The following RAB28 variants were observed in gnomAD, a reference collection of about 807,000 sequenced individuals.
RAB28 encodes ras-related protein Rab-28.
RAB28 carries 24 observed loss-of-function variants against 31.7 expected under a neutral mutation model. The observed-to-expected ratio is 0.76, with a 90% CI of 0.55 to 1.06. The LOEUF is 1.06. Ranked by LOEUF, RAB28 falls within the 50% of genes least tolerant of loss-of-function variation. RAB28 has a pLI of 0.00. For missense variants in RAB28, 254 were observed against 258.5 expected, an observed-to-expected ratio of 0.98 and a Z score of 0.12; for synonymous variants, 100 against 90.4, an observed-to-expected ratio of 1.11 and a Z score of -0.60.
intron 3 of RAB28, among the ~76,000 whole-genome samples, chr4:13,469,228 T>C (rs1276265467): frequency 6.6e-6 from 1 of 152,044 alleles, no homozygotes; most frequent in African/African-American, 2.4e-5. Context: ...ACTTGGGAAC[T>C]CCTGGATCTA....
intron 4 of RAB28, among the ~76,000 whole-genome samples, chr4:13,409,702 C>T (rs983975097): frequency 6.6e-6 from 1 of 152,174 alleles, no homozygotes; most frequent in Non-Finnish European, 1.5e-5. Context: ...AAAAAGTATG[C>T]CTAACACTTC....
intron 4 of RAB28, among the ~76,000 whole-genome samples, chr4:13,436,197 A>C (rs1189875609): frequency 6.6e-6 from 1 of 152,112 alleles, no homozygotes; most frequent in Non-Finnish European, 1.5e-5. Flanking sequence ...GACATCAAAG[A>C]AACATGCCTC....
chr4:13,377,405 C>A lies in RAB28; in HGVS notation c.496-783G>T, dbSNP rs575182551. ...AAACTTTATTAATTTTTACTTCTAACAAAAAAGGATACATATTCCTGATAG... is the reference window on the plus strand; with the variant it reads ...AAACTTTATTAATTTTTACTTCTAAAAAAAAAGGATACATATTCCTGATAG... On this transcript the variant is annotated intron_variant, in intron 5 of 6. Transcript: ENST00000330852. Among the ~76,000 whole-genome samples the A allele has an allele frequency of 2.2e-4, 34 of 152,190 alleles. 1 individual carries two copies. In the East Asian group the frequency reaches 6.4e-3, roughly 28 times the overall value.
chr4:13,393,855 C>CAAAAAAAAAA (rs759509251), intron 4 of RAB28, among the ~76,000 whole-genome samples: 3 of 79,378 alleles, frequency 3.8e-5, no homozygotes, highest in Admixed American at 1.4e-4. Flanking sequence ...TCACAGGCTA[C>CAAAAAAAAAA]AAAAAAAAAA....
intron 4 of RAB28, among the ~76,000 whole-genome samples, chr4:13,387,721 T>C (rs1379018340): frequency 2.6e-5 from 4 of 152,072 alleles, no homozygotes; most frequent in African/African-American, 7.2e-5. Context: ...AAAAAATGTA[T>C]GTTTTCAACA....
chr4:13,371,697 T>C, intron 6 of RAB28: 1 of 1,512,540 alleles, frequency 6.6e-7, no homozygotes, highest in Non-Finnish European at 8.8e-7. Context: ...ATAATTTCCA[T>C]GTCATAAACT....
chr4:13,378,992 C>A (rs545589446), intron 5 of RAB28, among the ~76,000 whole-genome samples: 1 of 151,712 alleles, frequency 6.6e-6, no homozygotes, highest in Non-Finnish European at 1.5e-5. Context: ...GGGTGAATCA[C>A]GAGGTCAGTT....
chr4:13,376,379 C>T (rs1728922373), intron 6 of RAB28, among the ~76,000 whole-genome samples, 166 bp downstream of exon 6: 1 of 152,082 alleles, frequency 6.6e-6, no homozygotes, highest in Non-Finnish European at 1.5e-5. Context: ...AAAAAGTTAA[C>T]ATTCTCCATC....
At chr4:13,427,596 T>G (rs1577204524) in intron 4 of RAB28, among the ~76,000 whole-genome samples, 1 of 152,140 alleles carries the variant, frequency 6.6e-6, no homozygotes, top group African/African-American at 2.4e-5. Context: ...TCTACAGAGA[T>G]AAAAGGTCCA....
chr4:13,391,420 A>G (rs1002975231), intron 4 of RAB28, among the ~76,000 whole-genome samples: 2 of 152,162 alleles, frequency 1.3e-5, no homozygotes, highest in Non-Finnish European at 2.9e-5. Flanking sequence ...TGCTGGAGAC[A>G]ATGTGGAGAA....
At chr4:13,376,446 C>T (rs1577149864) in intron 6 of RAB28, 99 bp downstream of exon 6, 2 of 740,310 alleles carry the variant, frequency 2.7e-6, no homozygotes, top group Non-Finnish European at 4.4e-6. Context: ...TTTAGAGATA[C>T]GTACACAGAA....
intron 3 of RAB28, among the ~76,000 whole-genome samples, chr4:13,464,300 T>C (rs1715739122): frequency 6.6e-6 from 1 of 152,080 alleles, no homozygotes; most frequent in Non-Finnish European, 1.5e-5. Flanking sequence ...GTAACCATTG[T>C]GAAATATGCC....
At chr4:13,429,744 C>G (rs1161319791) in intron 4 of RAB28, among the ~76,000 whole-genome samples, 1 of 152,142 alleles carries the variant, frequency 6.6e-6, no homozygotes, top group Non-Finnish European at 1.5e-5. Flanking sequence ...AATCAAATTT[C>G]CAGCTGACTT....
chr4:13,405,334 C>T (rs1712014242), intron 4 of RAB28, among the ~76,000 whole-genome samples: 1 of 152,002 alleles, frequency 6.6e-6, no homozygotes, highest in East Asian at 1.9e-4. Context: ...TTCTATGAAG[C>T]TGAAACAATA....
intron 4 of RAB28, among the ~76,000 whole-genome samples, chr4:13,447,349 T>A (rs1577223514): frequency 6.6e-6 from 1 of 152,208 alleles, no homozygotes; most frequent in East Asian, 1.9e-4. Context: ...TTTCTTGATC[T>A]GTCCTTTTCC....
intron 4 of RAB28, among the ~76,000 whole-genome samples, chr4:13,417,225 G>C (rs1449348549): frequency 6.6e-6 from 1 of 152,216 alleles, no homozygotes; most frequent in Non-Finnish European, 1.5e-5. Flanking sequence ...GGTAAACAAA[G>C]TGGCCAGGAA....
intron 4 of RAB28, among the ~76,000 whole-genome samples, chr4:13,455,662 G>C (rs1294918062): frequency 6.6e-6 from 1 of 152,174 alleles, no homozygotes; most frequent in Admixed American, 6.5e-5. Flanking sequence ...CTAGTAATCC[G>C]GAGCAAGGCA....
At chr4:13,442,580 G>C (rs569842524) in intron 4 of RAB28, among the ~76,000 whole-genome samples, 1 of 150,984 alleles carries the variant, frequency 6.6e-6, no homozygotes, top group Non-Finnish European at 1.5e-5. Flanking sequence ...GTATTTCATA[G>C]ATATTTCATA....
chr4:13,444,611 A>T (rs1714603216), intron 4 of RAB28, among the ~76,000 whole-genome samples: 1 of 152,230 alleles, frequency 6.6e-6, no homozygotes, highest in Non-Finnish European at 1.5e-5. Flanking sequence ...GTACTAATTT[A>T]CATTTCGAAC....
Sources: gnomAD v4.1 joint callset for allele counts (sites outside exome capture counted in the v4.1 genomes callset) on GRCh38, gnomAD v4.1.1 for gene constraint, MANE v1.5 for transcripts, NCBI Gene and HGNC (gene_info 2026-07-23, HGNC 2026-07-21) for gene names.